GRIA4: variants seen among roughly 807,000 people sequenced by gnomAD.
GRIA4 encodes the protein glutamate receptor 4.
A neutral mutation model predicts 104.0 loss-of-function variants in GRIA4; 34 were observed. That is an observed-to-expected ratio of 0.33 (90% CI 0.25 to 0.44). GRIA4 has a LOEUF of 0.44. Ranked by LOEUF, GRIA4 falls within the 20% of genes least tolerant of loss-of-function variation. The pLI is 1.00. For missense variants in GRIA4, 750 were observed against 1,096.5 expected (o/e 0.68, Z 4.46); for synonymous variants, 386 against 381.9 (o/e 1.01, Z -0.13).
At chr11:105,768,393 A>G (rs1379036184) in intron 4 of GRIA4, among the ~76,000 whole-genome samples, 1 of 152,140 alleles carries the variant, frequency 6.6e-6, no homozygotes, top group Non-Finnish European at 1.5e-5. Flanking sequence ...AAAACTGGAG[A>G]AAATAAAGTG....
chr11:105,952,909 C>T (rs906948452), intron 14 of GRIA4, among the ~76,000 whole-genome samples: 1 of 152,110 alleles, frequency 6.6e-6, no homozygotes, highest in Non-Finnish European at 1.5e-5. Context: ...TACTTGTCAT[C>T]GCATAGGCAA....
intron 4 of GRIA4, among the ~76,000 whole-genome samples, chr11:105,753,428 C>T (rs2135696446): frequency 6.6e-6 from 1 of 152,284 alleles, no homozygotes; most frequent in South Asian, 2.1e-4. Flanking sequence ...GCAAACCATG[C>T]TCTGTAACTT....
intron 3 of GRIA4, among the ~76,000 whole-genome samples, chr11:105,674,592 C>T (rs753838673): frequency 5.3e-5 from 8 of 151,714 alleles, no homozygotes; most frequent in Admixed American, 2.6e-4. Flanking sequence ...TCCATTTACC[C>T]GAAAATTTGG....
At chr11:105,944,017 A>G (rs1591472602) in intron 14 of GRIA4, among the ~76,000 whole-genome samples, 1 of 152,186 alleles carries the variant, frequency 6.6e-6, no homozygotes, top group Non-Finnish European at 1.5e-5. Flanking sequence ...AACCACATAT[A>G]TTATAGTTGG....
chr11:105,910,702 C>A (rs1231353451), intron 10 of GRIA4, among the ~76,000 whole-genome samples, 157 bp downstream of exon 10: 1 of 152,104 alleles, frequency 6.6e-6, no homozygotes, highest in Admixed American at 6.6e-5. Context: ...ATAGGTTCAT[C>A]CTAAGCTTCG....
At chr11:105,944,426 G>A (rs1360321512) in intron 14 of GRIA4, among the ~76,000 whole-genome samples, 1 of 151,872 alleles carries the variant, frequency 6.6e-6, no homozygotes, top group Non-Finnish European at 1.5e-5. Context: ...TCAATTGTCT[G>A]GTATTTGTTT....
chr11:105,896,341 T>C (rs1356868218), intron 6 of GRIA4, among the ~76,000 whole-genome samples: 1 of 152,186 alleles, frequency 6.6e-6, no homozygotes, highest in Non-Finnish European at 1.5e-5. Flanking sequence ...GTCAGATGCA[T>C]AGTTTGCAAA....
chr11:105,684,629 A>G (rs931303182), intron 3 of GRIA4, among the ~76,000 whole-genome samples: 3 of 146,858 alleles, frequency 2.0e-5, no homozygotes, highest in Non-Finnish European at 3.0e-5. Context: ...TTTTATATTT[A>G]TTTTTATATA....
At chr11:105,707,737 T>C (rs1321266303) in intron 3 of GRIA4, 1 of 152,222 alleles carries the variant, frequency 6.6e-6, no homozygotes, top group Admixed American at 6.5e-5. Flanking sequence ...TATGAGGCTA[T>C]GTTTGGAGAT....
chr11:105,918,657 G>C (rs1403268425), intron 10 of GRIA4, 55 bp from the exon 11 acceptor site: 1 of 862,382 alleles, frequency 1.2e-6, no homozygotes, highest in Non-Finnish European at 1.9e-6. Flanking sequence ...AGTTACATAA[G>C]GTTTTTCAAA....
At chr11:105,895,649 G>A (rs898860068) in intron 6 of GRIA4, among the ~76,000 whole-genome samples, 6 of 151,672 alleles carry the variant, frequency 4.0e-5, no homozygotes, top group Non-Finnish European at 5.9e-5. Context: ...GAGAGAGAGA[G>A]AGAAAATAAA....
At chr11:105,669,715 C>T (rs1280951233) in intron 3 of GRIA4, among the ~76,000 whole-genome samples, 3 of 152,106 alleles carry the variant, frequency 2.0e-5, no homozygotes, top group Non-Finnish European at 4.4e-5. Context: ...TATGCAGTAG[C>T]CTGCCAGCTC....
chr11:105,915,091 G>A (rs659654), intron 10 of GRIA4, among the ~76,000 whole-genome samples: 206 of 152,276 alleles, frequency 1.4e-3, no homozygotes, highest in African/African-American at 4.6e-3. Context: ...GGAAAGCAAA[G>A]CAAAATGAAA....
chr11:105,918,777 A>G lies in GRIA4; in HGVS notation c.1335A>G (p.Gly445=). The G allele has an allele frequency of 6.3e-7, 1 of 1,599,534 alleles. No individual in the cohort carries two copies. The highest frequency in any genetic ancestry group is 8.6e-7 in the Non-Finnish European group (1 of 1,167,028). ...TTGAAGGAAATGACAAGTATGAAGGATACTGTGTAGATTTGGCATCTGAAA... is the reference window on the plus strand; with the variant it reads ...TTGAAGGAAATGACAAGTATGAAGGGTACTGTGTAGATTTGGCATCTGAAA... ...EMFEGNDKYE[G]YCVDLASEIA... The change falls in exon 11 of 17, where the codon GGA becomes GGG. Residue 445 remains glycine, a synonymous_variant. Transcript: ENST00000282499.
chr11:105,779,447 T>C (rs1565229720), intron 4 of GRIA4, among the ~76,000 whole-genome samples: 1 of 152,026 alleles, frequency 6.6e-6, no homozygotes, highest in Non-Finnish European at 1.5e-5. Flanking sequence ...TACTTGATAT[T>C]CCCCTTCCTG....
chr11:105,650,496 T>TG (rs756202999), intron 3 of GRIA4, among the ~76,000 whole-genome samples: 113 of 151,602 alleles, frequency 7.5e-4, no homozygotes, highest in Non-Finnish European at 1.1e-3. Context: ...ACCAAGAGTC[T>TG]GAAAAAAAAA....
At chr11:105,679,454 C>T (rs1053194447) in intron 3 of GRIA4, among the ~76,000 whole-genome samples, 4 of 152,106 alleles carry the variant, frequency 2.6e-5, no homozygotes, top group Non-Finnish European at 4.4e-5. Context: ...CATATTTAAT[C>T]TCCAAATATA....
chr11:105,835,531 G>T (rs981834266), intron 4 of GRIA4, among the ~76,000 whole-genome samples: 1 of 151,908 alleles, frequency 6.6e-6, no homozygotes, highest in African/African-American at 2.4e-5. Flanking sequence ...CCTAAGATCT[G>T]CAAAGCCATG....
At chr11:105,752,183 A>G (rs1443086545) in intron 3 of GRIA4, among the ~76,000 whole-genome samples, 1 of 152,158 alleles carries the variant, frequency 6.6e-6, no homozygotes, top group Non-Finnish European at 1.5e-5. Flanking sequence ...ATGGTTTTGT[A>G]GCAACTGGGA....
Sources: allele counts gnomAD v4.1 joint callset (sites outside exome capture counted in the v4.1 genomes callset), GRCh38; gene constraint gnomAD v4.1.1; transcripts MANE v1.5; gene names NCBI Gene and HGNC (gene_info 2026-07-23, HGNC 2026-07-21).